Variants in COBLL1 observed in about 807,000 individuals in gnomAD.
The protein encoded by COBLL1 is cordon-bleu protein-like 1.
COBLL1 carries 50 observed loss-of-function variants against 94.8 expected under a neutral mutation model. That is an observed-to-expected ratio of 0.53 (90% CI 0.42 to 0.67). COBLL1 has a LOEUF of 0.67. Among genes scored for constraint, COBLL1 ranks in the 30% least tolerant of loss-of-function variants. The pLI is 0.00. For synonymous variants in COBLL1, 448 were observed against 473.8 expected (o/e 0.95, Z 0.71); for missense variants, 1,362 against 1,348.7 (o/e 1.01, Z -0.15).
chr2:164,757,983 A>G (rs1643832824), intron 2 of COBLL1, among the ~76,000 whole-genome samples: 3 of 151,906 alleles, frequency 2.0e-5, no homozygotes, highest in South Asian at 2.1e-4. Flanking sequence ...TGAGAAAAAC[A>G]TCTTGGGGAA....
At chr2:164,794,632 A>G (rs1683348753) in intron 2 of COBLL1, among the ~76,000 whole-genome samples, 1 of 152,162 alleles carries the variant, frequency 6.6e-6, no homozygotes, top group African/African-American at 2.4e-5. Flanking sequence ...TGTTCAGTCA[A>G]GTGCACACTC....
intron 1 of COBLL1, among the ~76,000 whole-genome samples, chr2:164,668,109 A>G (rs1199074012): frequency 6.6e-6 from 1 of 152,064 alleles, no homozygotes. Context: ...GACTACAGGC[A>G]TGCACCACCA....
At chr2:164,701,289 T>C (rs1346947887) in intron 9 of COBLL1, among the ~76,000 whole-genome samples, 2 of 152,092 alleles carry the variant, frequency 1.3e-5, no homozygotes, top group African/African-American at 4.8e-5. Flanking sequence ...CTCTGAAGGG[T>C]GGGGCAAGGG....
At position 164,782,377 on chromosome 2, in the gene COBLL1, T is replaced by C. The variant is rs997356397; in HGVS notation, c.42-38502A>G. Among the ~76,000 whole-genome samples, 11 of 152,170 alleles carry C rather than the reference T, an allele frequency of 7.2e-5. 1 individual carries two copies. The highest frequency in any genetic ancestry group is 5.9e-4 in the Admixed American group (9 of 15,272). Reference sequence around the variant, plus strand: ...AAATCACCTAACTGAAAAATTAGTCTAACAAACCGAATAGAAAAGCATTAT... The same window carrying C: ...AAATCACCTAACTGAAAAATTAGTCCAACAAACCGAATAGAAAAGCATTAT... On this transcript the variant is annotated intron_variant, in intron 2 of 13. Coordinates refer to ENST00000652658, the MANE Select transcript of COBLL1 (RefSeq NM_001365672.2).
intron 2 of COBLL1, among the ~76,000 whole-genome samples, chr2:164,746,464 A>C (rs1217910391): frequency 6.6e-6 from 1 of 152,126 alleles, no homozygotes; most frequent in Admixed American, 6.5e-5. Flanking sequence ...TGCCTCAACC[A>C]GAAAAGATCT....
intron 2 of COBLL1, among the ~76,000 whole-genome samples, chr2:164,803,663 G>C (rs1031263563): frequency 6.6e-6 from 1 of 152,154 alleles, no homozygotes; most frequent in African/African-American, 2.4e-5. Context: ...TTTTAGATAA[G>C]TAGGCTTATG....
At chr2:164,730,416 C>G (rs574175028) in intron 3 of COBLL1, among the ~76,000 whole-genome samples, 1 of 151,444 alleles carries the variant, frequency 6.6e-6, no homozygotes, top group East Asian at 1.9e-4. Flanking sequence ...GAGAACAACA[C>G]GAGCTCTGGA....
intron 2 of COBLL1, among the ~76,000 whole-genome samples, chr2:164,746,750 G>A (rs1161730434): frequency 6.6e-6 from 1 of 151,712 alleles, no homozygotes; most frequent in Non-Finnish European, 1.5e-5. Flanking sequence ...CCTTACCTCC[G>A]GCCTCTCCAG....
At chr2:164,728,686 A>T (rs1685837657) in intron 4 of COBLL1, among the ~76,000 whole-genome samples, 1 of 152,040 alleles carries the variant, frequency 6.6e-6, no homozygotes, top group South Asian at 2.1e-4. Flanking sequence ...AATCCATATG[A>T]AAAGCTTAGC....
chr2:164,744,284 C>G (rs1686748084), intron 2 of COBLL1, among the ~76,000 whole-genome samples: 1 of 152,068 alleles, frequency 6.6e-6, no homozygotes, highest in Non-Finnish European at 1.5e-5. Flanking sequence ...TACCTTTGGG[C>G]CCTTCATCCT....
intron 1 of COBLL1, among the ~76,000 whole-genome samples, chr2:164,667,196 T>A (rs553321337): frequency 1.8e-4 from 27 of 152,330 alleles, no homozygotes; most frequent in Admixed American, 1.5e-3. Context: ...TGGATCTTTT[T>A]TTCTAAGCAA....
chr2:164,803,524 C>A (rs1468058692), intron 2 of COBLL1, among the ~76,000 whole-genome samples: 1 of 150,904 alleles, frequency 6.6e-6, no homozygotes, highest in Non-Finnish European at 1.5e-5. Context: ...GAGATCCCGC[C>A]ACTGCACTCC....
intron 1 of COBLL1, among the ~76,000 whole-genome samples, chr2:164,669,515 T>G (rs933758565): frequency 2.0e-5 from 3 of 152,138 alleles, no homozygotes; most frequent in African/African-American, 7.2e-5. Context: ...TTTCCAAGAG[T>G]AATACACATC....
intron 6 of COBLL1, 21 bp downstream of exon 6, chr2:164,722,404 G>A: frequency 6.7e-7 from 1 of 1,486,958 alleles, no homozygotes; most frequent in Non-Finnish European, 9.1e-7. Context: ...CTTACAAAAT[G>A]CAATATAAGA....
intron 2 of COBLL1, among the ~76,000 whole-genome samples, chr2:164,754,606 T>C (rs1423870296): frequency 1.3e-5 from 2 of 152,164 alleles, no homozygotes; most frequent in African/African-American, 4.8e-5. Flanking sequence ...AGAATGACAG[T>C]TCTACATACA....
At position 164,776,157 on chromosome 2, in the gene COBLL1, C is replaced by T. The variant is rs79591708; in HGVS notation, c.42-32282G>A. Reference sequence around the variant, plus strand: ...CAGTCTCCCTGCCTCTGCTCTCAGGCGGCATTCCAATCTCTTCCACAAAAC... The same window carrying T: ...CAGTCTCCCTGCCTCTGCTCTCAGGTGGCATTCCAATCTCTTCCACAAAAC... On this transcript the variant is annotated intron_variant, in intron 2 of 13. Coordinates refer to ENST00000652658, the MANE Select transcript of COBLL1 (RefSeq NM_001365672.2). Among the ~76,000 whole-genome samples the T allele has an allele frequency of 3.9e-3, 592 of 151,926 alleles. 31 individuals are homozygous for T. The East Asian group carries it at 0.1, about 26-fold the overall frequency.
rs144167809 is a variant in COBLL1, at chr2:164,793,203, T to G, written c.41+47953A>C. ...CCAATTTATTCCTTGTGGAGTGACT[T>G]CTGCACTATTTAAGTTGTCAAACAG... On this transcript the variant is annotated intron_variant, in intron 2 of 13. Transcript: ENST00000652658. Among the ~76,000 whole-genome samples, 294 of 152,250 alleles carry G rather than the reference T, an allele frequency of 1.9e-3. 1 individual carries two copies. The highest frequency in any genetic ancestry group is 3.6e-3 in the Non-Finnish European group (245 of 68,006).
intron 2 of COBLL1, among the ~76,000 whole-genome samples, chr2:164,788,372 A>G (rs1419349530): frequency 1.3e-5 from 2 of 152,152 alleles, no homozygotes; most frequent in Non-Finnish European, 2.9e-5. Flanking sequence ...AGGTTCAAAC[A>G]CAACTCTGTA....
intron 2 of COBLL1, among the ~76,000 whole-genome samples, chr2:164,825,380 C>T (rs947339927): frequency 2.6e-5 from 4 of 152,056 alleles, no homozygotes; most frequent in Non-Finnish European, 4.4e-5. Context: ...TTTCCAAGTG[C>T]AGAGTTTATG....
Sources: allele counts gnomAD v4.1 joint callset (sites outside exome capture counted in the v4.1 genomes callset), GRCh38; gene constraint gnomAD v4.1.1; transcripts MANE v1.5; gene names NCBI Gene and HGNC (gene_info 2026-07-23, HGNC 2026-07-21).